RIMS2: variants seen among roughly 807,000 people sequenced by gnomAD.
RIMS2 encodes regulating synaptic membrane exocytosis protein 2.
Under a neutral mutation model 174.4 loss-of-function variants are expected in RIMS2, and 59 were observed. The observed-to-expected ratio is 0.34, with a 90% CI of 0.27 to 0.42. RIMS2 has a LOEUF of 0.42. RIMS2 is among the 10% of genes least tolerant of loss of function. RIMS2 has a pLI of 1.00. For missense variants in RIMS2, 1,620 were observed against 1,666.3 expected, an observed-to-expected ratio of 0.97 and a Z score of 0.48; for synonymous variants, 606 against 572.5, an observed-to-expected ratio of 1.06 and a Z score of -0.84.
At chr8:103,814,316 A>T (rs2098705897) in intron 3 of RIMS2, among the ~76,000 whole-genome samples, 1 of 149,416 alleles carries the variant, frequency 6.7e-6, no homozygotes, top group Admixed American at 6.7e-5. Flanking sequence ...TGATATCTGG[A>T]TGATGAAATA....
chr8:104,149,867 A>G (rs2098675311), intron 19 of RIMS2, among the ~76,000 whole-genome samples: 1 of 152,144 alleles, frequency 6.6e-6, no homozygotes, highest in Non-Finnish European at 1.5e-5. Context: ...ATATTGAAAT[A>G]ATTATTTGGT....
intron 1 of RIMS2, among the ~76,000 whole-genome samples, chr8:103,599,663 C>G (rs1003872832): frequency 6.6e-6 from 1 of 151,742 alleles, no homozygotes; most frequent in Non-Finnish European, 1.5e-5. Context: ...ACTACCCAGG[C>G]TGGTCTTGAA....
intron 19 of RIMS2, among the ~76,000 whole-genome samples, chr8:104,084,437 CAAAAAA>C: frequency 1.3e-5 from 1 of 76,686 alleles, no homozygotes; most frequent in Admixed American, 1.5e-4. Flanking sequence ...GACTCTGTCT[CAAAAAA>C]AAAAAAAAAA....
intron 19 of RIMS2, among the ~76,000 whole-genome samples, chr8:104,051,145 G>C (rs2154558825): frequency 6.6e-6 from 1 of 152,116 alleles, no homozygotes. Context: ...AGGCTGAAGT[G>C]GGAGGATGTC....
intron 19 of RIMS2, among the ~76,000 whole-genome samples, chr8:104,177,717 T>G (rs1252235854): frequency 6.6e-6 from 1 of 152,162 alleles, no homozygotes; most frequent in Non-Finnish European, 1.5e-5. Flanking sequence ...TACATAGATA[T>G]AGACTATAAG....
chr8:103,982,304 T>C (rs1328376966), intron 16 of RIMS2, among the ~76,000 whole-genome samples: 1 of 151,986 alleles, frequency 6.6e-6, no homozygotes, highest in Non-Finnish European at 1.5e-5. Context: ...AATGCTAAAT[T>C]CTAACAAACA....
At chr8:103,584,926 A>AG (rs937780045) in intron 1 of RIMS2, among the ~76,000 whole-genome samples, 3 of 916 alleles carry the variant, frequency 3.3e-3, no homozygotes, top group Non-Finnish European at 3.2e-3. Context: ...CTTTCCAATC[A>AG]AAGATATAAA....
chr8:103,819,260 A>G (rs912441415), intron 3 of RIMS2: 4 of 1,311,158 alleles, frequency 3.1e-6, no homozygotes, highest in Non-Finnish European at 2.9e-6. Context: ...ACTGCTGTTT[A>G]GAATTCTTGC....
At chr8:104,054,428 CT>C (rs907027393) in intron 19 of RIMS2, among the ~76,000 whole-genome samples, 1 of 152,116 alleles carries the variant, frequency 6.6e-6, no homozygotes, top group South Asian at 2.1e-4. Flanking sequence ...TAAATATTTC[CT>C]TTTTTCATTA....
At chr8:103,590,931 G>A (rs1036511370) in intron 1 of RIMS2, among the ~76,000 whole-genome samples, 6 of 150,800 alleles carry the variant, frequency 4.0e-5, no homozygotes, top group Admixed American at 6.6e-5. Context: ...GGATCGTAGG[G>A]CAGGTTTATG....
chr8:103,857,656 AC>A (rs1305019640), intron 3 of RIMS2, among the ~76,000 whole-genome samples: 1 of 152,226 alleles, frequency 6.6e-6, no homozygotes, highest in Non-Finnish European at 1.5e-5. Flanking sequence ...AGTTTATCAT[AC>A]AATTATTATT....
intron 1 of RIMS2, among the ~76,000 whole-genome samples, chr8:103,540,577 A>C (rs921912839): frequency 3.9e-5 from 6 of 152,248 alleles, no homozygotes; most frequent in Non-Finnish European, 8.8e-5. Context: ...CCAGATGTGC[A>C]GCCATCAACA....
rs569644386 is a variant in RIMS2, at chr8:103,984,066, C to G, written c.2928-5239C>G. The stretch of plus-strand genomic sequence containing the variant: ...GCGGGCACCTGTAGTCCCAGCTACT[C>G]GGAAGGCTGAGGCAGGAGAATGGCG... On this transcript the variant is annotated intron_variant, in intron 16 of 23. Transcript: ENST00000504942. 2.0e-5 allele frequency among the ~76,000 whole-genome samples: 3 copies of G among 152,010 alleles called. 1 individual carries two copies. Among genetic ancestry groups the G allele is most frequent in the South Asian group, 4.2e-4 (2 of 4,816 alleles).
intron 19 of RIMS2, among the ~76,000 whole-genome samples, chr8:104,232,529 G>C (rs746567348): frequency 1.3e-5 from 2 of 152,146 alleles, no homozygotes; most frequent in South Asian, 2.1e-4. Context: ...CTCTAGGAAG[G>C]CTGGAGATTC....
At chr8:103,963,322 A>G (rs753755012) in intron 15 of RIMS2, among the ~76,000 whole-genome samples, 1 of 152,186 alleles carries the variant, frequency 6.6e-6, no homozygotes. Flanking sequence ...AGCAAAATCT[A>G]TTGATAGTTT....
At chr8:103,754,257 C>T (rs947830030) in intron 2 of RIMS2, among the ~76,000 whole-genome samples, 2 of 152,180 alleles carry the variant, frequency 1.3e-5, no homozygotes, top group African/African-American at 4.8e-5. Context: ...GTTTCTTAAT[C>T]CTGAGTCCTA....
chr8:103,550,218 T>A (rs947361459), intron 1 of RIMS2, among the ~76,000 whole-genome samples: 6 of 152,160 alleles, frequency 3.9e-5, no homozygotes, highest in African/African-American at 1.4e-4. Flanking sequence ...AAAGCACTCC[T>A]CAGCAAATGT....
intron 1 of RIMS2, among the ~76,000 whole-genome samples, chr8:103,545,159 C>T (rs959259062): frequency 6.6e-6 from 1 of 152,002 alleles, no homozygotes; most frequent in Admixed American, 6.5e-5. Flanking sequence ...TAAAACAATA[C>T]AAGAGATAAA....
chr8:104,010,019 C>T (rs560573941), intron 17 of RIMS2, among the ~76,000 whole-genome samples: 16,078 of 150,532 alleles, frequency 0.11, 1,191 homozygotes, highest in Non-Finnish European at 0.16. Flanking sequence ...GATGGACGGA[C>T]GGATGGACGG....
Sources: gnomAD v4.1 joint callset for allele counts (sites outside exome capture counted in the v4.1 genomes callset) on GRCh38, gnomAD v4.1.1 for gene constraint, MANE v1.5 for transcripts, NCBI Gene and HGNC (gene_info 2026-07-23, HGNC 2026-07-21) for gene names.